MADD: variants seen among roughly 807,000 people sequenced by gnomAD.
The protein encoded by MADD is MAP kinase-activating death domain protein.
Under a neutral mutation model 176.7 loss-of-function variants are expected in MADD, and 109 were observed. That is an observed-to-expected ratio of 0.62 (90% CI 0.53 to 0.72). The LOEUF (loss-of-function observed/expected upper bound fraction) is 0.72. MADD is among the 30% of genes least tolerant of loss of function. The pLI is 0.00. For synonymous variants in MADD, 771 were observed against 771.3 expected (o/e 1.00, Z 0.01); for missense variants, 1,914 against 2,045.5 (o/e 0.94, Z 1.24).
In MADD at chr11:47,273,811, C is replaced by A; in HGVS notation, c.-88-16C>A. The stretch of plus-strand genomic sequence containing the variant: ...GGCACAGCAGTGGATCTTATCAGTA[C>A]TTTTTTTCCTATTAGACTTCGATTT... On this transcript the variant is annotated splice_polypyrimidine_tract_variant and intron_variant, in intron 1 of 32. Transcript: ENST00000402192. 2.1e-6 allele frequency: 2 copies of A among 969,126 alleles called. No individual in the cohort carries two copies. Among genetic ancestry groups the A allele is most frequent in the Non-Finnish European group, 3.3e-6 (2 of 610,224 alleles). 60.0% of individuals were successfully genotyped at this position (969,126 alleles called of 1,614,324 possible).
At chr11:47,278,320 T>A (rs1184822236) in intron 6 of MADD, 42 bp downstream of exon 6, 44 of 1,420,726 alleles carry the variant, frequency 3.1e-5, no homozygotes, top group Non-Finnish European at 4.3e-5. Context: ...TAGAGGAGGA[T>A]TGCATTCTAG....
Position 47,308,719 on chromosome 11 carries a change from G to C in MADD, c.3751+20G>C. 6.3e-7 allele frequency: 1 copy of C among 1,598,678 alleles called. No homozygotes were observed. The highest frequency in any genetic ancestry group is 8.6e-7 in the Non-Finnish European group (1 of 1,166,712). On this transcript the variant is annotated intron_variant, in intron 23 of 32. Transcript: ENST00000402192. ...TCCTAGGTGAGAAACACACTGGGAA[G>C]GCCCTTTGCACTGGAGAAAGCTGAC...
chr11:47,294,056 G>A, intron 20 of MADD, 73 bp downstream of exon 22: 1 of 1,266,804 alleles, frequency 7.9e-7, no homozygotes, highest in Admixed American at 1.8e-5. Flanking sequence ...AGTTAAAATA[G>A]AACAGTCAGA....
chr11:47,315,204 ATC>A lies in MADD; in HGVS notation c.4090-10_4090-9del, dbSNP rs750152586. On this transcript the variant is annotated splice_polypyrimidine_tract_variant and intron_variant, in intron 26 of 32. Coordinates refer to ENST00000402192, the Ensembl canonical transcript of MADD. ...AGGGATGTATGACTGTCCCTAAAAA[ATC>A]TCTCTTTCATCAGAATGGACGCGAT... 3.2e-6 allele frequency: 5 copies of A among 1,557,606 alleles called. No individual in the cohort carries two copies. Among genetic ancestry groups the A allele is most frequent in the East Asian group, 2.2e-5 (1 of 44,572 alleles).
rs747162090 is a variant in MADD at position 47,290,689 on chromosome 11, G to A, written c.3174G>A (p.Gly1058=). Residue 1058 remains glycine (G), a synonymous_variant, in exon 19 of 33, where the codon GGG becomes GGA. Coordinates refer to ENST00000402192, the Ensembl canonical transcript of MADD. ...AGGATCCTGGCCTAGCTGGGCGGGG[G>A]GACCCAAAGGCTATGGCACAACTGA... The A allele has an allele frequency of 7.4e-6, 12 of 1,614,128 alleles. No individual in the cohort carries two copies. Among genetic ancestry groups the A allele is most frequent in the Admixed American group, 5.0e-5 (3 of 60,020 alleles).
At chr11:47,309,348 G>T in exon 24 of MADD, 1 of 1,614,202 alleles carries the variant, frequency 6.2e-7, no homozygotes, top group African/African-American at 1.3e-5. Flanking sequence ...ATGCTGTGAT[G>T]TTGGAGAGAG....
chr11:47,315,933 G>A (rs2092724329), intron 27 of MADD, among the ~76,000 whole-genome samples: 1 of 150,680 alleles, frequency 6.6e-6, no homozygotes, highest in South Asian at 2.1e-4. Context: ...CCAGGTTCAA[G>A]CAATTCTCCT....
intron 22 of MADD, among the ~76,000 whole-genome samples, chr11:47,300,672 A>G (rs2077057798): frequency 2.0e-5 from 3 of 151,758 alleles, no homozygotes; most frequent in South Asian, 2.1e-4. Context: ...TAATTTTTGT[A>G]TTTTTAGTAG....
intron 12 of MADD, 113 bp from the exon 13 acceptor site, chr11:47,284,828 C>T (rs2059483462): frequency 2.1e-6 from 3 of 1,451,718 alleles, no homozygotes; most frequent in Admixed American, 3.8e-5. Context: ...TCATTTCCCA[C>T]ACATTCCTTA....
chr11:47,292,109 T>C (rs1014697325), intron 19 of MADD, among the ~76,000 whole-genome samples: 2 of 152,236 alleles, frequency 1.3e-5, no homozygotes, highest in Non-Finnish European at 1.5e-5. Context: ...GAGGTGTTCA[T>C]CTGTCTCATC....
intron 8 of MADD, among the ~76,000 whole-genome samples, chr11:47,281,960 G>T (rs561915596): frequency 6.8e-6 from 1 of 147,592 alleles, no homozygotes; most frequent in African/African-American, 2.5e-5. Context: ...TCAGCTTCCT[G>T]AGTGGCTGGG....
At chr11:47,309,111 C>A in intron 23 of MADD, 69 bp downstream of exon 26, 1 of 1,570,424 alleles carries the variant, frequency 6.4e-7, no homozygotes. Context: ...TACTTGGAGG[C>A]ATCTGGGGCT....
At chr11:47,284,092 C>T in intron 10 of MADD, 86 bp from the exon 11 acceptor site, 2 of 889,636 alleles carry the variant, frequency 2.2e-6, no homozygotes, top group Non-Finnish European at 3.8e-6. Flanking sequence ...CGGAGTGCTC[C>T]CCCTTTTATT....
chr11:47,317,148 G>C (rs2093314865), intron 27 of MADD, among the ~76,000 whole-genome samples: 1 of 152,186 alleles, frequency 6.6e-6, no homozygotes, highest in Admixed American at 6.5e-5. Flanking sequence ...TCAGTACCAA[G>C]AAAGCTTTCC....
chr11:47,289,972 G>C (rs903785900), exon 17 of MADD: 15 of 1,614,178 alleles, frequency 9.3e-6, no homozygotes, highest in Non-Finnish European at 1.2e-5. Flanking sequence ...AGAGCGAGCA[G>C]CTGCGAGTCT....
In MADD at chr11:47,285,618, TC is replaced by T. The variant is rs770583607; in HGVS notation, c.2551+30del. 4.3e-6 allele frequency: 7 copies of T among 1,613,180 alleles called. No individual in the cohort carries two copies. In the African/African-American group the frequency reaches 9.3e-5, roughly 22 times the overall value. On this transcript the variant is annotated intron_variant, in intron 14 of 32. Coordinates refer to ENST00000402192, the Ensembl canonical transcript of MADD. ...AAGTGCCTTCAGCTGTCTCTCTCACTCCTGTGTTCCATTTTCTCTACAGCAG... is the reference window on the plus strand; with the variant it reads ...AAGTGCCTTCAGCTGTCTCTCTCACTCTGTGTTCCATTTTCTCTACAGCAG...
At chr11:47,305,646 A>G (rs1356549345) in intron 22 of MADD, among the ~76,000 whole-genome samples, 1 of 152,060 alleles carries the variant, frequency 6.6e-6, no homozygotes, top group Non-Finnish European at 1.5e-5. Context: ...GCCAAGTGCA[A>G]TGGCAGCGAA....
At position 47,282,289 on chromosome 11, in the gene MADD, T is replaced by G. The variant is rs138921593; in HGVS notation, c.1470-92T>G. On this transcript the variant is annotated intron_variant, in intron 8 of 32. Transcript: ENST00000402192. Reference sequence around the variant, plus strand: ...TCTCCCCTTGATGTTGGAAGCCTGTTAAGTGATGGCTTTGGGAGGTGTTCT... The same window carrying G: ...TCTCCCCTTGATGTTGGAAGCCTGTGAAGTGATGGCTTTGGGAGGTGTTCT... 4.1e-5 allele frequency: 40 copies of G among 967,094 alleles called. No homozygotes were observed. The African/African-American group carries it at 5.9e-4, about 14-fold the overall frequency. 59.9% of individuals were successfully genotyped at this position (967,094 alleles called of 1,614,324 possible). A position where few individuals can be genotyped will look rare whatever the true frequency, so the allele number is the denominator to read the frequency against.
chr11:47,295,106 G>C (rs1206416839), intron 20 of MADD, among the ~76,000 whole-genome samples: 1 of 151,860 alleles, frequency 6.6e-6, no homozygotes, highest in Non-Finnish European at 1.5e-5. Flanking sequence ...AAACTCCTGG[G>C]CTCAAGTGAT....
Sources: allele counts gnomAD v4.1 joint callset (sites outside exome capture counted in the v4.1 genomes callset), GRCh38; gene constraint gnomAD v4.1.1; transcripts MANE v1.5; gene names NCBI Gene and HGNC (gene_info 2026-07-23, HGNC 2026-07-21).